The following CNTNAP2 variants were observed in gnomAD, a reference collection of about 807,000 sequenced individuals.
The protein encoded by CNTNAP2 is contactin associated protein 2, also known as contactin-associated protein-like 2.
CNTNAP2 carries 98 observed loss-of-function variants against 155.2 expected under a neutral mutation model. That is an observed-to-expected ratio of 0.63 (90% confidence interval 0.54 to 0.75). The LOEUF is 0.75. Ranked by LOEUF, CNTNAP2 falls within the 30% of genes least tolerant of loss-of-function variation. The pLI, the probability that CNTNAP2 is intolerant of heterozygous loss-of-function variation, is 0.00. For missense variants in CNTNAP2, 1,727 were observed against 1,688.1 expected (o/e 1.02, Z -0.40); for synonymous variants, 651 against 631.2 (o/e 1.03, Z -0.47).
At chr7:146,827,763 G>A (rs892845266) in intron 2 of CNTNAP2, among the ~76,000 whole-genome samples, 7 of 151,974 alleles carry the variant, frequency 4.6e-5, no homozygotes, top group Admixed American at 2.0e-4. Context: ...ACTGATGAAG[G>A]CTTCGATCTT....
chr7:147,874,886 G>A (rs1202724848), intron 13 of CNTNAP2, among the ~76,000 whole-genome samples: 1 of 152,168 alleles, frequency 6.6e-6, no homozygotes. Flanking sequence ...CTCTAGGGCA[G>A]GGGCAAAATG....
intron 14 of CNTNAP2, among the ~76,000 whole-genome samples, chr7:147,945,990 C>T (rs542477474): frequency 2.0e-5 from 3 of 151,450 alleles, no homozygotes; most frequent in African/African-American, 7.3e-5. Flanking sequence ...GCCTCAGCCT[C>T]CTAAGTAGCT....
At chr7:146,589,915 A>G (rs1452521857) in intron 1 of CNTNAP2, among the ~76,000 whole-genome samples, 1 of 152,144 alleles carries the variant, frequency 6.6e-6, no homozygotes, top group Non-Finnish European at 1.5e-5. Context: ...CCAGGAAGAG[A>G]AAGAATAGAA....
chr7:146,480,687 C>CTTTTTTTTTTTTTTTT (rs34440695), intron 1 of CNTNAP2, among the ~76,000 whole-genome samples: 1 of 121,222 alleles, frequency 8.2e-6, no homozygotes, highest in Non-Finnish European at 1.7e-5. Flanking sequence ...TTTTTTTTTC[C>CTTTTTTTTTTTTTTTT]TTTTTTTTTT....
intron 1 of CNTNAP2, among the ~76,000 whole-genome samples, chr7:146,482,685 G>C (rs1341752070): frequency 1.3e-5 from 2 of 151,866 alleles, no homozygotes; most frequent in Non-Finnish European, 2.9e-5. Flanking sequence ...AGAAGTTGCA[G>C]TGAGCTGAGA....
intron 15 of CNTNAP2, among the ~76,000 whole-genome samples, chr7:148,074,931 T>G (rs1803456603): frequency 6.6e-6 from 1 of 152,210 alleles, no homozygotes; most frequent in Non-Finnish European, 1.5e-5. Context: ...ATAAACAAAC[T>G]TCTGCTTCTC....
intron 3 of CNTNAP2, among the ~76,000 whole-genome samples, chr7:146,974,702 T>C (rs1486449031): frequency 6.6e-6 from 1 of 152,162 alleles, no homozygotes; most frequent in Non-Finnish European, 1.5e-5. Flanking sequence ...ACTTACTCTT[T>C]AGAAGCAAGA....
At chr7:148,335,498 G>A (rs531408755) in intron 21 of CNTNAP2, among the ~76,000 whole-genome samples, 113 of 152,290 alleles carry the variant, frequency 7.4e-4, no homozygotes, top group African/African-American at 2.5e-3. Context: ...AGCACACCTA[G>A]CAGAGACAAG....
chr7:148,409,122 G>A (rs969067986), intron 22 of CNTNAP2, among the ~76,000 whole-genome samples: 1 of 152,176 alleles, frequency 6.6e-6, no homozygotes, highest in African/African-American at 2.4e-5. Flanking sequence ...ACTAGAGCAG[G>A]CCAGCTCAGG....
rs572274505 is a variant in CNTNAP2 at position 146,302,745 on chromosome 7, T to C, written c.97+185772T>C. Among the ~76,000 whole-genome samples the C allele has an allele frequency of 2.0e-3, 309 of 152,216 alleles. 3 individuals are homozygous for C. Among genetic ancestry groups the C allele is most frequent in the African/African-American group, 7.0e-3 (290 of 41,548 alleles). On this transcript the variant is annotated intron_variant, in intron 1 of 23. Transcript: ENST00000361727. ...CAATTCCAGCCATAAAAGTGATGAATGTAGAGCTCTTACCATCACCATCAT... is the reference window on the plus strand; with the variant it reads ...CAATTCCAGCCATAAAAGTGATGAACGTAGAGCTCTTACCATCACCATCAT...
intron 3 of CNTNAP2, among the ~76,000 whole-genome samples, chr7:146,944,339 G>C (rs1478982567): frequency 6.6e-6 from 1 of 151,444 alleles, no homozygotes; most frequent in East Asian, 1.9e-4. Context: ...AAGATCAACT[G>C]TAGATTTTTT....
At chr7:146,765,068 AATATT>A in intron 1 of CNTNAP2, among the ~76,000 whole-genome samples, 1 of 152,294 alleles carries the variant, frequency 6.6e-6, no homozygotes, top group East Asian at 1.9e-4. Context: ...ACAGAATGAA[AATATT>A]ATATTAGGAA....
At chr7:146,734,981 A>T (rs1438824405) in intron 1 of CNTNAP2, among the ~76,000 whole-genome samples, 1 of 152,188 alleles carries the variant, frequency 6.6e-6, no homozygotes, top group Non-Finnish European at 1.5e-5. Context: ...AAATGAACCG[A>T]GAAAGAAATC....
chr7:146,856,514 A>C (rs1245837418), intron 3 of CNTNAP2, among the ~76,000 whole-genome samples: 8 of 152,152 alleles, frequency 5.3e-5, no homozygotes, highest in African/African-American at 1.9e-4. Context: ...ATGGTAATAA[A>C]AGTAGAGGAT....
intron 20 of CNTNAP2, among the ~76,000 whole-genome samples, chr7:148,253,999 G>A (rs769939648): frequency 3.5e-4 from 53 of 151,900 alleles, no homozygotes; most frequent in African/African-American, 9.4e-4. Context: ...TTTTTGATCC[G>A]CATTTGGTTG....
At chr7:146,233,571 C>T (rs867656015) in intron 1 of CNTNAP2, among the ~76,000 whole-genome samples, 4 of 152,044 alleles carry the variant, frequency 2.6e-5, no homozygotes. Flanking sequence ...CCCATTAACT[C>T]GTCATTTAGC....
At chr7:146,920,004 C>T (rs897170458) in intron 3 of CNTNAP2, among the ~76,000 whole-genome samples, 1 of 152,068 alleles carries the variant, frequency 6.6e-6, no homozygotes, top group Non-Finnish European at 1.5e-5. Flanking sequence ...GAGGAGATGA[C>T]AAACATTTAA....
chr7:147,110,619 T>C (rs940378310), intron 5 of CNTNAP2, among the ~76,000 whole-genome samples: 7 of 152,184 alleles, frequency 4.6e-5, no homozygotes, highest in Non-Finnish European at 1.0e-4. Context: ...AGTGAGAACA[T>C]GTGGTATTTG....
intron 1 of CNTNAP2, among the ~76,000 whole-genome samples, chr7:146,693,337 CAAAA>C (rs1001677044): frequency 2.5e-4 from 38 of 149,204 alleles, no homozygotes; most frequent in African/African-American, 9.3e-4. Context: ...CATTATGTAC[CAAAA>C]AAAAATCTGC....
Sources: gnomAD v4.1 joint callset for allele counts (sites outside exome capture counted in the v4.1 genomes callset) on GRCh38, gnomAD v4.1.1 for gene constraint, MANE v1.5 for transcripts, NCBI Gene and HGNC (gene_info 2026-07-23, HGNC 2026-07-21) for gene names.